CPED1: variants seen among roughly 807,000 people sequenced by gnomAD.
The protein encoded by CPED1 is cadherin like and PC-esterase domain containing 1.
In CPED1, 114 loss-of-function variants were observed where a neutral mutation model predicts 128.2. The observed-to-expected ratio is 0.89, with a 90% CI of 0.76 to 1.04. CPED1 has a LOEUF of 1.04. CPED1 is among the 50% of genes least tolerant of loss of function. CPED1 has a pLI of 0.00. For synonymous variants in CPED1, 462 were observed against 426.7 expected, an observed-to-expected ratio of 1.08 and a Z score of -1.02; for missense variants, 1,211 against 1,207.1, an observed-to-expected ratio of 1.00 and a Z score of -0.05.
chr7:121,189,240 C>G (rs1311740847), intron 16 of CPED1, among the ~76,000 whole-genome samples: 1 of 152,072 alleles, frequency 6.6e-6, no homozygotes, highest in Non-Finnish European at 1.5e-5. Context: ...TGTATTAATC[C>G]ATTCTCACAC....
chr7:121,034,248 T>TTTC (rs1792821698), intron 3 of CPED1, among the ~76,000 whole-genome samples: 1 of 7,002 alleles, frequency 1.4e-4, no homozygotes, highest in South Asian at 0.013. Flanking sequence ...TTTTTTTTTC[T>TTTC]TTTTTTTTTT....
chr7:121,179,524 TCTA>T (rs911931699), intron 16 of CPED1, among the ~76,000 whole-genome samples: 2 of 152,158 alleles, frequency 1.3e-5, no homozygotes, highest in African/African-American at 4.8e-5. Context: ...GGCATATTCT[TCTA>T]AGCAGAAACA....
At chr7:121,066,356 A>G (rs908853089) in intron 5 of CPED1, among the ~76,000 whole-genome samples, 2 of 152,044 alleles carry the variant, frequency 1.3e-5, no homozygotes, top group African/African-American at 2.4e-5. Context: ...GGTTAAGAAT[A>G]CCCATTTCAT....
At chr7:121,198,906 ATAG>A (rs1225338867) in intron 16 of CPED1, among the ~76,000 whole-genome samples, 3 of 152,120 alleles carry the variant, frequency 2.0e-5, no homozygotes, top group African/African-American at 7.2e-5. Flanking sequence ...AAATGTGATA[ATAG>A]TAGTGATTCT....
At chr7:121,014,642 C>T (rs1413697222) in intron 2 of CPED1, among the ~76,000 whole-genome samples, 1 of 151,546 alleles carries the variant, frequency 6.6e-6, no homozygotes, top group Non-Finnish European at 1.5e-5. Flanking sequence ...CATTTAAGTG[C>T]TGAAAATCAT....
chr7:121,274,904 G>A (rs544649366), intron 22 of CPED1, among the ~76,000 whole-genome samples: 1 of 152,116 alleles, frequency 6.6e-6, no homozygotes, highest in South Asian at 2.1e-4. Context: ...AAAGTTAAAG[G>A]GCAAAAATTC....
chr7:121,020,173 TAA>T (rs1444603788), intron 3 of CPED1, among the ~76,000 whole-genome samples: 1 of 152,042 alleles, frequency 6.6e-6, no homozygotes, highest in Non-Finnish European at 1.5e-5. Flanking sequence ...GCTACAGAAT[TAA>T]AGTCAGTCTT....
Position 121,127,087 on chromosome 7 carries a change from A to C in CPED1, c.1135-3A>C, listed in dbSNP as rs748753530. 6.4e-7 allele frequency: 1 copy of C among 1,557,068 alleles called. No homozygotes were observed. The highest frequency in any genetic ancestry group is 1.4e-5 in the African/African-American group (1 of 72,160). On this transcript the variant is annotated splice_polypyrimidine_tract_variant and splice_region_variant and intron_variant, in intron 9 of 22. Transcript: ENST00000310396. ...TATTTGCTGTGCTTTTGTTCTTTCA[A>C]AGGTACACGAGCATTTAAATTTTCA...
intron 22 of CPED1, among the ~76,000 whole-genome samples, chr7:121,278,775 C>A (rs1792378874): frequency 6.6e-6 from 1 of 151,992 alleles, no homozygotes; most frequent in Non-Finnish European, 1.5e-5. Context: ...GGTTGTAACA[C>A]CAATTAAATC....
intron 8 of CPED1, among the ~76,000 whole-genome samples, chr7:121,124,963 C>T (rs533614908): frequency 5.9e-5 from 9 of 152,068 alleles, no homozygotes; most frequent in South Asian, 4.2e-4. Flanking sequence ...AAATCTCGTA[C>T]GTCAAAAAGT....
intron 16 of CPED1, among the ~76,000 whole-genome samples, chr7:121,183,843 TGGG>T (rs1796947114): frequency 2.6e-5 from 4 of 152,124 alleles, no homozygotes; most frequent in Admixed American, 2.6e-4. Context: ...ACAATTCACT[TGGG>T]GGTAGAGAAC....
At chr7:121,181,771 A>G (rs1165478368) in intron 16 of CPED1, among the ~76,000 whole-genome samples, 1 of 152,184 alleles carries the variant, frequency 6.6e-6, no homozygotes, top group Non-Finnish European at 1.5e-5. Flanking sequence ...TACAAATAAG[A>G]AAAATAAAAC....
chr7:121,128,369 C>T lies in CPED1; in HGVS notation c.1303-13C>T. The stretch of plus-strand genomic sequence containing the variant: ...TTAACAATTGCTTAAGTTCTTTCCC[C>T]CTACCAATACAGGGTGAAAACTATC... On this transcript the variant is annotated splice_polypyrimidine_tract_variant and intron_variant, in intron 10 of 22. Transcript: ENST00000310396. 7.1e-7 allele frequency: 1 copy of T among 1,415,820 alleles called. No homozygotes were observed. The highest frequency in any genetic ancestry group is 1.0e-6 in the Non-Finnish European group (1 of 1,001,754). The allele number at this position is 1,415,820 out of a possible 1,614,324, so 87.7% of individuals were successfully genotyped here.
intron 5 of CPED1, among the ~76,000 whole-genome samples, chr7:121,080,742 G>C (rs1188651238): frequency 6.6e-6 from 1 of 152,016 alleles, no homozygotes; most frequent in African/African-American, 2.4e-5. Flanking sequence ...CATATACCCA[G>C]AGAGAAAGAG....
chr7:121,219,436 A>G (rs1041871492), intron 16 of CPED1, among the ~76,000 whole-genome samples: 3 of 152,042 alleles, frequency 2.0e-5, no homozygotes, highest in Admixed American at 1.3e-4. Flanking sequence ...AAAAGAAAAA[A>G]ACTTTATATT....
chr7:121,047,715 C>CTTTT lies in CPED1; in HGVS notation c.540+732_540+735dup, dbSNP rs530980600. Among the ~76,000 whole-genome samples, 44 of 75,996 alleles carry CTTTT rather than the reference C, an allele frequency of 5.8e-4. 1 individual carries two copies. Among genetic ancestry groups the CTTTT allele is most frequent in the African/African-American group, 2.3e-3 (40 of 17,310 alleles). The allele number at this position is 75,996 out of a possible 152,430, so 49.9% of individuals were successfully genotyped here. ...TCTTCTTCTTCTTCTTCTTCTTCTT[C>CTTTT]TTTTTTTTTTTTTGAGACGTAATCT... On this transcript the variant is annotated intron_variant, in intron 4 of 22. Coordinates refer to ENST00000310396, the MANE Select transcript of CPED1 (RefSeq NM_024913.5).
At chr7:121,073,506 C>A (rs1172010356) in intron 5 of CPED1, among the ~76,000 whole-genome samples, 1 of 152,160 alleles carries the variant, frequency 6.6e-6, no homozygotes, top group Non-Finnish European at 1.5e-5. Flanking sequence ...TACATAACAC[C>A]AGTCCTTCTT....
chr7:121,062,444 T>C (rs1443383802), intron 4 of CPED1, among the ~76,000 whole-genome samples: 1 of 152,232 alleles, frequency 6.6e-6, no homozygotes, highest in African/African-American at 2.4e-5. Context: ...TTTATTAGTC[T>C]ATTATGGGTT....
intron 7 of CPED1, among the ~76,000 whole-genome samples, chr7:121,105,122 A>G (rs1794942609): frequency 6.6e-6 from 1 of 152,224 alleles, no homozygotes; most frequent in East Asian, 1.9e-4. Context: ...CAATACAATC[A>G]GCAAATGTGC....
Sources: gnomAD v4.1 joint callset for allele counts (sites outside exome capture counted in the v4.1 genomes callset) on GRCh38, gnomAD v4.1.1 for gene constraint, MANE v1.5 for transcripts, NCBI Gene and HGNC (gene_info 2026-07-23, HGNC 2026-07-21) for gene names.